The following ABCC12 variants were observed in gnomAD, a reference collection of about 807,000 sequenced individuals.
The protein encoded by ABCC12 is ATP-binding cassette sub-family C member 12.
A neutral mutation model predicts 151.1 loss-of-function variants in ABCC12; 142 were observed. The ratio of observed to expected loss-of-function variants is 0.94; its 90% CI spans 0.82 to 1.08. The LOEUF (loss-of-function observed/expected upper bound fraction) is 1.08. Ranked by LOEUF, ABCC12 falls within the 50% of genes least tolerant of loss-of-function variation. ABCC12 has a pLI of 0.00. For missense variants in ABCC12, 1,638 were observed against 1,691.1 expected (o/e 0.97, Z 0.55); for synonymous variants, 645 against 646.4 (o/e 1.00, Z 0.03).
Position 48,080,939 on chromosome 16 carries a change from G to A in ABCC12, c.*2776C>T, listed in dbSNP as rs114776028. ...AGTTCTGGACGCTGGGAAATCCATG[G>A]TCGAGGTGCCAACAGATTTGGTGTT... On this transcript the variant is annotated 3_prime_UTR_variant, in exon 31 of 31. Coordinates refer to ENST00000311303, the MANE Select transcript of ABCC12 (RefSeq NM_001393797.1). 0.047 allele frequency among the ~76,000 whole-genome samples: 7,220 copies of A among 152,254 alleles called. 215 individuals are homozygous for A. The highest frequency in any genetic ancestry group is 0.068 in the African/African-American group (2,829 of 41,546).
Position 48,133,599 on chromosome 16 carries a change from A to T in ABCC12, c.1128+88T>A, listed in dbSNP as rs996756132. The T allele has an allele frequency of 1.8e-5, 27 of 1,476,574 alleles. No individual in the cohort carries two copies. In the South Asian group the frequency reaches 3.5e-4, roughly 19 times the overall value. 91.5% of individuals were successfully genotyped at this position (1,476,574 alleles called of 1,614,324 possible). ...GCCATGATTGGATGTTCCTAATGCC[A>T]GTATTGAGCGACGGTAGGAAGGGCT... On this transcript the variant is annotated intron_variant, in intron 9 of 30. Transcript: ENST00000311303.
At chr16:48,089,009 T>C (rs73540851) in intron 25 of ABCC12, among the ~76,000 whole-genome samples, 4,237 of 152,252 alleles carry the variant, frequency 0.028, 191 homozygotes, top group African/African-American at 0.098. Flanking sequence ...AGAGTAAAAG[T>C]ACTTGAGGTT....
Position 48,108,495 on chromosome 16 carries a change from G to A in ABCC12, c.2316C>T (p.Pro772=). 6.2e-7 allele frequency: 1 copy of A among 1,614,130 alleles called. No individual in the cohort carries two copies. Among genetic ancestry groups the A allele is most frequent in the Non-Finnish European group, 8.5e-7 (1 of 1,180,028 alleles). The change falls in exon 19 of 31, where the codon CCC becomes CCT. Residue 772 remains proline (P), a synonymous_variant. Coordinates refer to ENST00000311303, the MANE Select transcript of ABCC12 (RefSeq NM_001393797.1). ...TTTTCCAGGTCACGGTTCCTTCCTGGGGGGATTCAGTCTGGATGAGCTGGT... is the reference window on the plus strand; with the variant it reads ...TTTTCCAGGTCACGGTTCCTTCCTGAGGGGATTCAGTCTGGATGAGCTGGT... The part of the protein sequence containing the change: ...PEHQLIQTES[P]QEGTVTWKTY...
At chr16:48,141,573 T>G (rs1964817538) in intron 4 of ABCC12, among the ~76,000 whole-genome samples, 1 of 152,210 alleles carries the variant, frequency 6.6e-6, no homozygotes, top group African/African-American at 2.4e-5. Context: ...CTGTGACATC[T>G]GGGTCCTTGC....
chr16:48,121,460 T>C (rs1186613289), intron 13 of ABCC12: 1 of 404,042 alleles, frequency 2.5e-6, no homozygotes, highest in Non-Finnish European at 4.5e-6. Flanking sequence ...CCTCGGAACA[T>C]ATGCTCCTCT....
chr16:48,130,957 T>A (rs1964405622), intron 9 of ABCC12, 62 bp from the exon 10 acceptor site: 5 of 1,163,204 alleles, frequency 4.3e-6, no homozygotes, highest in Non-Finnish European at 6.3e-6. Context: ...TCTAAACCGT[T>A]ATACACATGG....
intron 8 of ABCC12, among the ~76,000 whole-genome samples, chr16:48,134,100 T>C (rs1250900050): frequency 6.6e-6 from 1 of 152,124 alleles, no homozygotes; most frequent in African/African-American, 2.4e-5. Context: ...TAAACTCAGA[T>C]GCTTAGAAGG....
chr16:48,082,328 C>T lies in ABCC12; in HGVS notation c.*1387G>A, dbSNP rs1962376595. 6.6e-6 allele frequency among the ~76,000 whole-genome samples: 1 copy of T among 152,194 alleles called. No individual in the cohort carries two copies. Among genetic ancestry groups the T allele is most frequent in the South Asian group, 2.1e-4 (1 of 4,832 alleles). Reference sequence around the variant, plus strand: ...TCCCCGCTGGTTGGGTAGACCCCTGCCCAGGCCTGGCCGGAGGAGGGCTGG... The same window carrying T: ...TCCCCGCTGGTTGGGTAGACCCCTGTCCAGGCCTGGCCGGAGGAGGGCTGG... On this transcript the variant is annotated 3_prime_UTR_variant, in exon 31 of 31. Coordinates refer to ENST00000311303, the MANE Select transcript of ABCC12 (RefSeq NM_001393797.1).
chr16:48,134,390 G>A (rs1014263059), intron 8 of ABCC12, among the ~76,000 whole-genome samples: 1 of 152,212 alleles, frequency 6.6e-6, no homozygotes, highest in Non-Finnish European at 1.5e-5. Flanking sequence ...TGATAAGCAA[G>A]AAGGTAACAA....
intron 9 of ABCC12, among the ~76,000 whole-genome samples, chr16:48,131,668 A>G (rs1027622170): frequency 6.6e-6 from 1 of 152,152 alleles, no homozygotes; most frequent in South Asian, 2.1e-4. Flanking sequence ...CATCTGTCCA[A>G]ATTGTAATTA....
intron 11 of ABCC12, among the ~76,000 whole-genome samples, chr16:48,125,299 T>C (rs1366132615): frequency 6.6e-6 from 1 of 152,210 alleles, no homozygotes; most frequent in Admixed American, 6.5e-5. Context: ...GAACTGACTA[T>C]AGCTTTGTCC....
chr16:48,111,864 A>G lies in ABCC12; in HGVS notation c.2036T>C (p.Ile679Thr). ...CTCCTTGTGGGTTCCCTTTTCACAA[A>G]TCTCTCCATCTTCTAATAAAATAAC... ...DEVILLEDGE[I>T]CEKGTHKELM... Residue 679 changes from isoleucine to threonine, a missense_variant, in exon 16 of 31, where the codon ATT (isoleucine) becomes ACT (threonine). Physicochemically the swap from Ile to Thr is moderately conservative, Grantham distance 89. Coordinates refer to ENST00000311303, the MANE Select transcript of ABCC12 (RefSeq NM_001393797.1). The G allele has an allele frequency of 6.2e-7, 1 of 1,614,148 alleles. No individual in the cohort carries two copies. The highest frequency in any genetic ancestry group is 8.5e-7 in the Non-Finnish European group (1 of 1,180,030).
chr16:48,131,650 C>T (rs1026945218), intron 9 of ABCC12, among the ~76,000 whole-genome samples: 17 of 152,184 alleles, frequency 1.1e-4, no homozygotes, highest in Admixed American at 9.8e-4. Context: ...TCTCCAATTT[C>T]ATCTTCTCAT....
intron 11 of ABCC12, among the ~76,000 whole-genome samples, chr16:48,127,788 A>G (rs1964288736): frequency 6.6e-6 from 1 of 152,198 alleles, no homozygotes; most frequent in Non-Finnish European, 1.5e-5. Context: ...GGACAGGAGC[A>G]GTGGTTCATG....
chr16:48,146,390 A>G lies in ABCC12; in HGVS notation c.35T>C (p.Leu12Pro). The change falls in exon 3 of 31, where the codon CTG becomes CCG. Residue 12 changes from leucine (L) to proline (P), a missense_variant. Physicochemically the swap from Leu to Pro is moderately conservative, Grantham distance 98. Transcript: ENST00000311303. ...VGEGPYLISDLDQRGRRRSFA... is the reference protein window; with the variant it reads ...VGEGPYLISDPDQRGRRRSFA... ...GGATCTCCGCCGGCCTCGCTGGTCCAGATCTGAGATAAGGTAGGGTCCTTC... is the reference window on the plus strand; with the variant it reads ...GGATCTCCGCCGGCCTCGCTGGTCCGGATCTGAGATAAGGTAGGGTCCTTC... The G allele has an allele frequency of 6.2e-7, 1 of 1,614,184 alleles. No individual in the cohort carries two copies. The highest frequency in any genetic ancestry group is 1.7e-5 in the Admixed American group (1 of 60,018).
chr16:48,130,434 C>T (rs548217656), intron 10 of ABCC12, among the ~76,000 whole-genome samples: 1 of 152,302 alleles, frequency 6.6e-6, no homozygotes, highest in African/African-American at 2.4e-5. Flanking sequence ...TCATCACTTC[C>T]ATCACCATGC....
intron 3 of ABCC12, 89 bp from the exon 4 acceptor site, chr16:48,144,154 A>T: frequency 3.4e-6 from 5 of 1,455,060 alleles, no homozygotes; most frequent in Non-Finnish European, 4.6e-6. Flanking sequence ...TACAGCAACA[A>T]CCACAGCTGC....
At chr16:48,094,604 C>T (rs1451904003) in intron 24 of ABCC12, among the ~76,000 whole-genome samples, 1 of 152,178 alleles carries the variant, frequency 6.6e-6, no homozygotes, top group African/African-American at 2.4e-5. Context: ...TAGTTGGACC[C>T]TTTATCCCTA....
intron 2 of ABCC12, among the ~76,000 whole-genome samples, chr16:48,148,622 C>A (rs1322935547): frequency 1.3e-5 from 2 of 152,086 alleles, no homozygotes; most frequent in Non-Finnish European, 2.9e-5. Context: ...CTACCAGAGA[C>A]TCCCTAAACC....
Sources: allele counts gnomAD v4.1 joint callset (sites outside exome capture counted in the v4.1 genomes callset), GRCh38; gene constraint gnomAD v4.1.1; transcripts MANE v1.5; gene names NCBI Gene and HGNC (gene_info 2026-07-23, HGNC 2026-07-21).